The following WWOX variants were observed in gnomAD, a reference collection of about 807,000 sequenced individuals.
The protein encoded by WWOX is WW domain-containing oxidoreductase.
WWOX carries 69 observed loss-of-function variants against 46.2 expected under a neutral mutation model. The observed-to-expected ratio is 1.49, with a 90% confidence interval of 1.23 to 1.82. WWOX has a LOEUF of 1.82. Ranked by LOEUF, WWOX falls within the 40% of genes most tolerant of loss-of-function variation. The probability of loss-of-function intolerance (pLI) is 0.00; values close to 1 mark genes in which losing one functional copy is unlikely to be tolerated. For missense variants in WWOX, 919 were observed against 542.6 expected (o/e 1.69, Z -6.89); for synonymous variants, 359 against 202.6 (o/e 1.77, Z -6.56).
chr16:78,346,189 G>A (rs559733488), intron 5 of WWOX, among the ~76,000 whole-genome samples: 1 of 121,326 alleles, frequency 8.2e-6, no homozygotes, highest in East Asian at 1.9e-4. Flanking sequence ...TACCCATACT[G>A]CTGCCTGTAT....
chr16:78,700,717 G>C (rs775838327), intron 8 of WWOX, among the ~76,000 whole-genome samples: 1 of 152,168 alleles, frequency 6.6e-6, no homozygotes, highest in African/African-American at 2.4e-5. Context: ...CCACCTCATA[G>C]TCTTGTTGGC....
chr16:78,833,463 T>A (rs2051888908), intron 8 of WWOX, among the ~76,000 whole-genome samples: 2 of 152,024 alleles, frequency 1.3e-5, no homozygotes, highest in Non-Finnish European at 2.9e-5. Context: ...CTTTCTATTC[T>A]CCTTCCTCAT....
chr16:78,749,179 C>A (rs1405564976), intron 8 of WWOX, among the ~76,000 whole-genome samples: 1 of 152,136 alleles, frequency 6.6e-6, no homozygotes, highest in African/African-American at 2.4e-5. Context: ...CATGCACTGC[C>A]ATGGGGTGAC....
intron 8 of WWOX, among the ~76,000 whole-genome samples, chr16:78,442,432 A>G (rs1363098021): frequency 1.3e-5 from 2 of 151,678 alleles, no homozygotes; most frequent in African/African-American, 4.8e-5. Flanking sequence ...CTATCTCCCC[A>G]TTTATCACCC....
At chr16:78,318,208 T>C (rs2080393311) in intron 5 of WWOX, among the ~76,000 whole-genome samples, 1 of 151,660 alleles carries the variant, frequency 6.6e-6, no homozygotes. Context: ...GGACCATAAT[T>C]AAATGGCTGT....
At chr16:78,540,188 A>T (rs1309329359) in intron 8 of WWOX, among the ~76,000 whole-genome samples, 1 of 152,012 alleles carries the variant, frequency 6.6e-6, no homozygotes, top group Non-Finnish European at 1.5e-5. Flanking sequence ...AAAAAGCAAA[A>T]TGGTAACAAT....
intron 8 of WWOX, among the ~76,000 whole-genome samples, chr16:78,689,349 C>A (rs1366996309): frequency 6.6e-6 from 1 of 152,220 alleles, no homozygotes; most frequent in East Asian, 1.9e-4. Context: ...ACACCCCAGA[C>A]ATCATATCTC....
rs189095787 is a variant in WWOX at position 78,470,002 on chromosome 16, C to T, written c.1056+37250C>T. Among the ~76,000 whole-genome samples, 15 of 152,344 alleles carry T rather than the reference C, an allele frequency of 9.8e-5. No individual in the cohort carries two copies. The East Asian group carries it at 2.7e-3, about 27-fold the overall frequency. ...TAGCTGCTATAACAAATAAGCACGC[C>T]TGTGCACAGTTGCTCAAAGATAGTA... On this transcript the variant is annotated intron_variant, in intron 8 of 8. Transcript: ENST00000566780.
At chr16:78,384,831 C>A (rs914241117) in intron 5 of WWOX, among the ~76,000 whole-genome samples, 1 of 152,170 alleles carries the variant, frequency 6.6e-6, no homozygotes, top group Non-Finnish European at 1.5e-5. Flanking sequence ...CTTTCTACCA[C>A]CTTTCCTTAA....
At chr16:78,585,365 C>A (rs1026006646) in intron 8 of WWOX, among the ~76,000 whole-genome samples, 1 of 152,158 alleles carries the variant, frequency 6.6e-6, no homozygotes, top group Non-Finnish European at 1.5e-5. Flanking sequence ...GCTGGAAATT[C>A]GTTAGCATTC....
Position 78,418,556 on chromosome 16 carries a change from A to G in WWOX, c.606-6314A>G, listed in dbSNP as rs141533704. 5.6e-4 allele frequency among the ~76,000 whole-genome samples: 86 copies of G among 152,304 alleles called. 1 individual carries two copies. Among genetic ancestry groups the G allele is most frequent in the East Asian group, 2.7e-3 (14 of 5,178 alleles). On this transcript the variant is annotated intron_variant, in intron 6 of 8. Coordinates refer to ENST00000566780, the MANE Select transcript of WWOX (RefSeq NM_016373.4). ...ATAAATAGAGATGCAACAATTTTGT[A>G]CAAAATGCTAGCAAGCCAAATGCAG...
At chr16:78,679,219 C>T (rs368572889) in intron 8 of WWOX, among the ~76,000 whole-genome samples, 6 of 152,088 alleles carry the variant, frequency 3.9e-5, no homozygotes, top group East Asian at 3.9e-4. Context: ...TCCTAGAACC[C>T]GTTTCTTACC....
intron 5 of WWOX, among the ~76,000 whole-genome samples, chr16:78,358,986 C>T (rs531417412): frequency 1.6e-4 from 24 of 150,546 alleles, no homozygotes; most frequent in African/African-American, 5.6e-4. Context: ...TAAATTAATC[C>T]CTTATTGCTG....
intron 8 of WWOX, among the ~76,000 whole-genome samples, chr16:78,546,087 C>G (rs1014421734): frequency 2.0e-5 from 3 of 152,164 alleles, no homozygotes; most frequent in Non-Finnish European, 2.9e-5. Flanking sequence ...AAAATGGTCC[C>G]TACCCTCTGT....
chr16:78,806,947 C>A (rs1484063587), intron 8 of WWOX, among the ~76,000 whole-genome samples: 1 of 152,194 alleles, frequency 6.6e-6, no homozygotes, highest in African/African-American at 2.4e-5. Context: ...TTGAATCCTA[C>A]CTCTGCCTCT....
intron 5 of WWOX, among the ~76,000 whole-genome samples, chr16:78,324,665 C>G (rs1218364643): frequency 2.6e-5 from 4 of 151,728 alleles, no homozygotes; most frequent in Non-Finnish European, 2.9e-5. Context: ...AAACATGAGG[C>G]TAAGTGAAAG....
intron 8 of WWOX, among the ~76,000 whole-genome samples, chr16:78,916,911 G>T (rs1232658143): frequency 6.6e-6 from 1 of 152,080 alleles, no homozygotes; most frequent in Non-Finnish European, 1.5e-5. Context: ...GTGTGGTAAG[G>T]GGATCAGGTA....
intron 8 of WWOX, among the ~76,000 whole-genome samples, chr16:78,585,732 T>G (rs1261438381): frequency 6.6e-6 from 1 of 151,692 alleles, no homozygotes; most frequent in East Asian, 1.9e-4. Context: ...TGTGCTTGGC[T>G]TCTCCACAGA....
At chr16:78,726,626 G>C (rs1239249420) in intron 8 of WWOX, among the ~76,000 whole-genome samples, 1 of 152,132 alleles carries the variant, frequency 6.6e-6, no homozygotes, top group East Asian at 1.9e-4. Context: ...CAATTTATTT[G>C]AGCAATTAAT....
Sources: allele counts gnomAD v4.1 joint callset (sites outside exome capture counted in the v4.1 genomes callset), GRCh38; gene constraint gnomAD v4.1.1; transcripts MANE v1.5; gene names NCBI Gene and HGNC (gene_info 2026-07-23, HGNC 2026-07-21).